ASAP1: variants seen among roughly 807,000 people sequenced by gnomAD.
The protein encoded by ASAP1 is arf-GAP with SH3 domain, ANK repeat and PH domain-containing protein 1.
ASAP1 carries 43 observed loss-of-function variants against 145.2 expected under a neutral mutation model. The observed-to-expected ratio is 0.30, with a 90% CI of 0.23 to 0.38. The LOEUF (loss-of-function observed/expected upper bound fraction) is 0.38, where lower values mean the gene tolerates loss of function less well. ASAP1 is among the 10% of genes least tolerant of loss of function. The probability of loss-of-function intolerance (pLI) is 1.00; values close to 1 mark genes in which losing one functional copy is unlikely to be tolerated. For synonymous variants in ASAP1, 546 were observed against 515.5 expected (o/e 1.06, Z -0.80); for missense variants, 1,018 against 1,355.3 (o/e 0.75, Z 3.91).
intron 3 of ASAP1, among the ~76,000 whole-genome samples, chr8:130,317,473 G>C (rs896234323): frequency 6.6e-6 from 1 of 152,192 alleles, no homozygotes; most frequent in African/African-American, 2.4e-5. Context: ...ATTCCAGATG[G>C]AGTAGTTCAA....
chr8:130,202,389 T>C (rs1815922365), intron 5 of ASAP1, among the ~76,000 whole-genome samples: 2 of 152,174 alleles, frequency 1.3e-5, no homozygotes, highest in South Asian at 2.1e-4. Context: ...ACTATTAAAA[T>C]ATTATGTATA....
At chr8:130,061,177 C>G (rs1368453125) in intron 27 of ASAP1, 108 bp from the exon 28 acceptor site, 1 of 1,349,398 alleles carries the variant, frequency 7.4e-7, no homozygotes, top group Admixed American at 2.7e-5. Context: ...CTATAGTGAG[C>G]ACTTGAAATG....
At chr8:130,326,645 A>G (rs1240726853) in intron 3 of ASAP1, among the ~76,000 whole-genome samples, 1 of 152,258 alleles carries the variant, frequency 6.6e-6, no homozygotes, top group African/African-American at 2.4e-5. Flanking sequence ...AACAAAGAGT[A>G]GAGAAAACAC....
Position 130,116,892 on chromosome 8 carries a change from T to C in ASAP1, c.1984A>G (p.Thr662Ala), listed in dbSNP as rs2097557132. 1.2e-6 allele frequency: 2 copies of C among 1,613,538 alleles called. No homozygotes were observed. The highest frequency in any genetic ancestry group is 1.7e-6 in the Non-Finnish European group (2 of 1,179,504). ...GACACACTCTTACCTATATCCACAGTGGGCTTGCTCCTGAGCAAAAGCTTC... is the reference window on the plus strand; with the variant it reads ...GACACACTCTTACCTATATCCACAGCGGGCTTGCTCCTGAGCAAAAGCTTC... ...CLKLLLRSKP[T>A]VDIVNQAGET... Residue 662 changes from threonine to alanine, a missense_variant, in exon 21 of 30, where the codon ACT (threonine) becomes GCT (alanine). Thr to Ala is a moderately conservative substitution (Grantham distance 58, BLOSUM62 0). This residue lies in a region of ASAP1 where 353 missense variants were observed against 375.4 expected (regional missense o/e 0.94). Transcript: ENST00000518721.
intron 7 of ASAP1, among the ~76,000 whole-genome samples, chr8:130,185,133 A>T (rs1462578873): frequency 2.6e-5 from 4 of 152,204 alleles, no homozygotes; most frequent in Non-Finnish European, 5.9e-5. Flanking sequence ...CAAAGAGACA[A>T]ATGCTTGTTT....
intron 24 of ASAP1, 141 bp downstream of exon 24, chr8:130,111,953 A>G: frequency 3.9e-6 from 3 of 777,380 alleles, no homozygotes; most frequent in Non-Finnish European, 4.2e-6. Flanking sequence ...TCCCTATTTC[A>G]AGCTGCTCCT....
At chr8:130,393,443 C>T (rs778134374) in intron 2 of ASAP1, among the ~76,000 whole-genome samples, 1 of 151,860 alleles carries the variant, frequency 6.6e-6, no homozygotes, top group Non-Finnish European at 1.5e-5. Flanking sequence ...AACATTTGAT[C>T]CCACCTGGCC....
chr8:130,351,727 G>A (rs1826006401), intron 3 of ASAP1, among the ~76,000 whole-genome samples: 1 of 152,094 alleles, frequency 6.6e-6, no homozygotes, highest in Admixed American at 6.5e-5. Context: ...TATCACCAAG[G>A]GGATGATGAT....
At chr8:130,090,667 C>T (rs1320711569) in intron 25 of ASAP1, among the ~76,000 whole-genome samples, 1 of 152,204 alleles carries the variant, frequency 6.6e-6, no homozygotes, top group African/African-American at 2.4e-5. Context: ...GACTTACCCA[C>T]GTGTGTCCTG....
intron 2 of ASAP1, among the ~76,000 whole-genome samples, chr8:130,394,044 T>C (rs1382375620): frequency 3.5e-4 from 54 of 152,192 alleles, no homozygotes; most frequent in Non-Finnish European, 8.8e-5. Context: ...GACCCTGTGA[T>C]GATTGCATTA....
At chr8:130,222,422 T>C (rs796949545) in intron 4 of ASAP1, among the ~76,000 whole-genome samples, 13 of 152,354 alleles carry the variant, frequency 8.5e-5, no homozygotes, top group African/African-American at 3.1e-4. Context: ...CTGAAACTCA[T>C]GCGATACTCC....
intron 6 of ASAP1, 121 bp downstream of exon 6, chr8:130,187,988 T>C (rs1814856220): frequency 1.5e-5 from 11 of 756,430 alleles, no homozygotes; most frequent in Non-Finnish European, 2.0e-5. Flanking sequence ...TCCAAGAGCA[T>C]TTTTAACGCT....
At chr8:130,368,259 T>TATTTTC (rs1000753083) in intron 2 of ASAP1, among the ~76,000 whole-genome samples, 2 of 152,212 alleles carry the variant, frequency 1.3e-5, no homozygotes, top group African/African-American at 4.8e-5. Flanking sequence ...AATATCATAT[T>TATTTTC]ATTTTCATGA....
intron 3 of ASAP1, among the ~76,000 whole-genome samples, chr8:130,276,687 A>AACAC (rs1161892776): frequency 0.036 from 3,325 of 91,104 alleles, 83 homozygotes; most frequent in African/African-American, 0.043. Context: ...CAAGACTGCA[A>AACAC]ACACACACAC....
chr8:130,343,296 A>T (rs1445533557), intron 3 of ASAP1, among the ~76,000 whole-genome samples: 1 of 152,196 alleles, frequency 6.6e-6, no homozygotes, highest in African/African-American at 2.4e-5. Context: ...GATAAGGCAG[A>T]GCTACTCACC....
intron 5 of ASAP1, among the ~76,000 whole-genome samples, chr8:130,191,628 G>C (rs780645789): frequency 1.2e-4 from 18 of 152,114 alleles, no homozygotes; most frequent in Admixed American, 1.1e-3. Flanking sequence ...GGTGTGAGAA[G>C]GACCAACGCT....
intron 7 of ASAP1, 148 bp from the exon 8 acceptor site, chr8:130,181,028 G>T (rs1814321266): frequency 1.0e-5 from 6 of 602,902 alleles, no homozygotes; most frequent in Non-Finnish European, 1.6e-5. Context: ...ACTCTGGTGG[G>T]GGTCAGTGAT....
intron 1 of ASAP1, among the ~76,000 whole-genome samples, chr8:130,433,506 G>A (rs1830207600): frequency 6.6e-6 from 1 of 152,194 alleles, no homozygotes; most frequent in Non-Finnish European, 1.5e-5. Flanking sequence ...CTCCCATGCT[G>A]TTGAGTGACA....
intron 4 of ASAP1, among the ~76,000 whole-genome samples, chr8:130,227,732 C>A (rs1442797268): frequency 2.6e-5 from 4 of 151,342 alleles, no homozygotes; most frequent in Non-Finnish European, 5.9e-5. Flanking sequence ...TGGTTCTGAT[C>A]TCAATGTCAG....
Sources: allele counts gnomAD v4.1 joint callset (sites outside exome capture counted in the v4.1 genomes callset), GRCh38; gene constraint gnomAD v4.1.1; regional missense constraint gnomAD v4.1.1; transcripts MANE v1.5; gene names NCBI Gene and HGNC (gene_info 2026-07-23, HGNC 2026-07-21).